CCDC170: variants seen among roughly 807,000 people sequenced by gnomAD.
CCDC170 encodes coiled-coil domain containing 170.
In CCDC170, 69 loss-of-function variants were observed where a neutral mutation model predicts 72.6. That is an observed-to-expected ratio of 0.95 (90% CI 0.78 to 1.16). The LOEUF is 1.16. Among genes scored for constraint, CCDC170 ranks in the 50% most tolerant of loss-of-function variants. The pLI, the probability that CCDC170 is intolerant of heterozygous loss-of-function variation, is 0.00. For synonymous variants in CCDC170, 300 were observed against 303.9 expected, an observed-to-expected ratio of 0.99 and a Z score of 0.13; for missense variants, 852 against 832.5, an observed-to-expected ratio of 1.02 and a Z score of -0.29.
chr6:151,541,142 TC>T (rs1782683487), intron 3 of CCDC170, among the ~76,000 whole-genome samples: 1 of 152,102 alleles, frequency 6.6e-6, no homozygotes, highest in Admixed American at 6.6e-5. Context: ...GGAAGGCTCT[TC>T]CCCCAGATAT....
intron 3 of CCDC170, among the ~76,000 whole-genome samples, chr6:151,539,022 G>A (rs1782637742): frequency 6.6e-6 from 1 of 152,106 alleles, no homozygotes; most frequent in African/African-American, 2.4e-5. Flanking sequence ...AGCACTTTTG[G>A]AGGCTGAGGT....
In CCDC170 at chr6:151,596,350, G is replaced by A; in HGVS notation, c.1483G>A (p.Glu495Lys). 1 of 1,612,342 alleles carries A rather than the reference G, an allele frequency of 6.2e-7. No individual in the cohort carries two copies. Among genetic ancestry groups the A allele is most frequent in the Non-Finnish European group, 8.5e-7 (1 of 1,179,420 alleles). ...NLQRKLKTQK[E>K]RLESKELHMS... ...ATCAAACCAGCTAAAGACACAGAAA[G>A]AGAGACTGGAGAGCAAAGAATTACA... Residue 495 changes from glutamate to lysine, a missense_variant, in exon 9 of 11, where the codon GAG becomes AAG. Transcript: ENST00000239374.
At chr6:151,551,372 G>A (rs368622704) in intron 5 of CCDC170, among the ~76,000 whole-genome samples, 42 of 152,170 alleles carry the variant, frequency 2.8e-4, no homozygotes, top group African/African-American at 8.2e-4. Flanking sequence ...CTATAATGCC[G>A]GATACCATCT....
At position 151,585,894 on chromosome 6, in the gene CCDC170, C is replaced by A. The variant is rs939373567; in HGVS notation, c.1098C>A (p.Val366=). The A allele has an allele frequency of 1.9e-6, 3 of 1,613,032 alleles. No individual in the cohort carries two copies. Among genetic ancestry groups the A allele is most frequent in the African/African-American group, 2.7e-5 (2 of 74,898 alleles). The change falls in exon 7 of 11, where the codon GTC becomes GTA. Residue 366 remains valine, a synonymous_variant. Coordinates refer to ENST00000239374, the MANE Select transcript of CCDC170 (RefSeq NM_025059.4). ...ATCTGTTTCTTTGTTTCCAGATGGT[C>A]TCCCAGCTTGAAGCCCAAATATCTG... ...DSREESRDRM[V]SQLEAQISEL...
intron 3 of CCDC170, among the ~76,000 whole-genome samples, chr6:151,540,120 A>G (rs971685801): frequency 4.6e-5 from 7 of 152,088 alleles, no homozygotes; most frequent in Non-Finnish European, 7.4e-5. Flanking sequence ...TTGGGCTGCT[A>G]TAAGAAAAAT....
intron 1 of CCDC170, among the ~76,000 whole-genome samples, chr6:151,498,723 G>A (rs1318244943): frequency 2.0e-5 from 3 of 151,234 alleles, no homozygotes; most frequent in Non-Finnish European, 2.9e-5. Context: ...TTCTAGGCAC[G>A]GTGTATAAGT....
At chr6:151,500,486 A>C (rs926480344) in intron 1 of CCDC170, among the ~76,000 whole-genome samples, 4 of 151,990 alleles carry the variant, frequency 2.6e-5, no homozygotes, top group African/African-American at 9.7e-5. Flanking sequence ...TAGTTAACTA[A>C]GAAAAGCCAT....
chr6:151,584,461 C>T (rs759068492), intron 6 of CCDC170, among the ~76,000 whole-genome samples: 3 of 151,986 alleles, frequency 2.0e-5, no homozygotes, highest in South Asian at 2.1e-4. Flanking sequence ...GAATTTCAAA[C>T]GGCATGAGAA....
At chr6:151,531,259 C>G (rs552872030) in intron 1 of CCDC170, among the ~76,000 whole-genome samples, 1 of 152,244 alleles carries the variant, frequency 6.6e-6, no homozygotes, top group South Asian at 2.1e-4. Flanking sequence ...GCTGTACTTA[C>G]ACATTATAAA....
intron 1 of CCDC170, among the ~76,000 whole-genome samples, chr6:151,515,982 C>T (rs548065606): frequency 2.2e-4 from 33 of 151,722 alleles, no homozygotes; most frequent in Non-Finnish European, 4.4e-4. Flanking sequence ...AGGAGAATCA[C>T]TTGAACCCTG....
At chr6:151,586,165 T>G in intron 7 of CCDC170, 76 bp downstream of exon 7, 1 of 1,449,786 alleles carries the variant, frequency 6.9e-7, no homozygotes, top group East Asian at 2.3e-5. Context: ...TATCCTGAAT[T>G]TTACAGTATT....
At chr6:151,496,111 A>G (rs190475052) in intron 1 of CCDC170, among the ~76,000 whole-genome samples, 21 of 152,120 alleles carry the variant, frequency 1.4e-4, no homozygotes, top group Admixed American at 5.9e-4. Context: ...ACATTTTTGC[A>G]GAGTCCAGGT....
chr6:151,519,668 G>A (rs374373043), intron 1 of CCDC170, among the ~76,000 whole-genome samples: 39 of 152,258 alleles, frequency 2.6e-4, no homozygotes, highest in Non-Finnish European at 3.4e-4. Flanking sequence ...GGCTCCAGCC[G>A]GTCCCTCCGT....
chr6:151,501,164 C>G (rs976527668), intron 1 of CCDC170, among the ~76,000 whole-genome samples: 5 of 126,066 alleles, frequency 4.0e-5, no homozygotes, highest in Non-Finnish European at 7.6e-5. Flanking sequence ...AAAATAATGA[C>G]TATCTAATTA....
At chr6:151,540,373 C>CTTTTTTTTTT (rs779650559) in intron 3 of CCDC170, among the ~76,000 whole-genome samples, 582 of 37,982 alleles carry the variant, frequency 0.015, 187 homozygotes, top group South Asian at 0.029. Context: ...TCTGCTGCTG[C>CTTTTTTTTTT]TTTTTTTTTT....
intron 1 of CCDC170, among the ~76,000 whole-genome samples, chr6:151,535,766 C>G (rs1178144419): frequency 6.6e-6 from 1 of 152,038 alleles, no homozygotes; most frequent in Non-Finnish European, 1.5e-5. Flanking sequence ...TTTTTAGAGG[C>G]AGTCTCTCTC....
At chr6:151,605,401 G>A (rs1010525026) in intron 9 of CCDC170, among the ~76,000 whole-genome samples, 2 of 152,140 alleles carry the variant, frequency 1.3e-5, no homozygotes, top group Admixed American at 6.5e-5. Context: ...GGAGATGTAT[G>A]GAACATACCT....
chr6:151,594,233 T>C (rs1776587598), intron 8 of CCDC170, among the ~76,000 whole-genome samples: 2 of 152,060 alleles, frequency 1.3e-5, no homozygotes, highest in South Asian at 4.2e-4. Flanking sequence ...TGCTGTATAA[T>C]GAGTCACATC....
At chr6:151,602,568 C>T (rs572037114) in intron 9 of CCDC170, among the ~76,000 whole-genome samples, 1 of 152,084 alleles carries the variant, frequency 6.6e-6, no homozygotes, top group African/African-American at 2.4e-5. Flanking sequence ...ATCATAGGAG[C>T]GGTTTTCCCC....
Sources: allele counts gnomAD v4.1 joint callset (sites outside exome capture counted in the v4.1 genomes callset), GRCh38; gene constraint gnomAD v4.1.1; transcripts MANE v1.5; gene names NCBI Gene and HGNC (gene_info 2026-07-23, HGNC 2026-07-21).